CPEB3: variants seen among roughly 807,000 people sequenced by gnomAD.
CPEB3 encodes the protein cytoplasmic polyadenylation element binding protein 3, also known as cytoplasmic polyadenylation element-binding protein 3.
A neutral mutation model predicts 67.2 loss-of-function variants in CPEB3; 20 were observed. The ratio of observed to expected loss-of-function variants is 0.30; its 90% CI spans 0.21 to 0.43. CPEB3 has a LOEUF of 0.43. Ranked by LOEUF, CPEB3 falls within the 20% of genes least tolerant of loss-of-function variation. The pLI is 1.00. For synonymous variants in CPEB3, 376 were observed against 393.1 expected (o/e 0.96, Z 0.51); for missense variants, 746 against 968.6 (o/e 0.77, Z 3.05).
intron 3 of CPEB3, among the ~76,000 whole-genome samples, chr10:92,191,230 C>G (rs554224102): frequency 2.0e-5 from 3 of 151,778 alleles, no homozygotes; most frequent in African/African-American, 7.2e-5. Flanking sequence ...GATGAAATCC[C>G]ATCTCTATTA....
At chr10:92,183,430 A>G (rs1388572251) in intron 3 of CPEB3, among the ~76,000 whole-genome samples, 1 of 152,252 alleles carries the variant, frequency 6.6e-6, no homozygotes, top group African/African-American at 2.4e-5. Context: ...TGTCACCAGA[A>G]CAAGGCTTTC....
At chr10:92,130,961 T>C (rs1251537978) in intron 6 of CPEB3, among the ~76,000 whole-genome samples, 7 of 152,280 alleles carry the variant, frequency 4.6e-5, no homozygotes, top group Non-Finnish European at 8.8e-5. Flanking sequence ...AGAGGGGGTA[T>C]TATTAAGAAG....
chr10:92,156,998 T>C (rs1178165353), intron 4 of CPEB3, among the ~76,000 whole-genome samples: 1 of 152,200 alleles, frequency 6.6e-6, no homozygotes, highest in East Asian at 1.9e-4. Context: ...ATGACTCAAC[T>C]ACAAAGTCAG....
intron 7 of CPEB3, among the ~76,000 whole-genome samples, chr10:92,103,196 T>G (rs1360532125): frequency 6.6e-6 from 1 of 152,208 alleles, no homozygotes; most frequent in Non-Finnish European, 1.5e-5. Flanking sequence ...GCTTAATGAA[T>G]GCAAATTTCT....
intron 4 of CPEB3, among the ~76,000 whole-genome samples, chr10:92,150,249 T>C (rs1846897242): frequency 6.6e-6 from 1 of 150,974 alleles, no homozygotes; most frequent in Admixed American, 6.6e-5. Flanking sequence ...CTCTGCTCTC[T>C]CTCTCTCTTT....
chr10:92,048,411 C>T lies in CPEB3; in HGVS notation c.*3801G>A, dbSNP rs1329684049. The T allele has an allele frequency of 2.0e-5, 1 of 49,034 alleles. No individual in the cohort carries two copies. The highest frequency in any genetic ancestry group is 9.5e-5 in the African/African-American group (1 of 10,554). 3.0% of individuals were successfully genotyped at this position (49,034 alleles called of 1,614,324 possible). On this transcript the variant is annotated 3_prime_UTR_variant, in exon 10 of 10. Transcript: ENST00000265997. The surrounding 1 kb of genome is among the most constrained non-coding windows in gnomAD (Gnocchi z 4.1). Reference sequence around the variant, plus strand: ...CTCACACACACACACACACACACGACATAATGACGAGTTAGAGGGGAAAAA... The same window carrying T: ...CTCACACACACACACACACACACGATATAATGACGAGTTAGAGGGGAAAAA...
At chr10:92,131,721 G>A (rs1005173930) in intron 6 of CPEB3, among the ~76,000 whole-genome samples, 10 of 152,120 alleles carry the variant, frequency 6.6e-5, no homozygotes, top group South Asian at 2.1e-4. Context: ...CCTTGTCACC[G>A]GATGTCTCAA....
intron 7 of CPEB3, among the ~76,000 whole-genome samples, chr10:92,107,506 C>T (rs909227660): frequency 6.6e-6 from 1 of 152,208 alleles, no homozygotes; most frequent in African/African-American, 2.4e-5. Context: ...CCTATCTCTG[C>T]TAGACCTTCT....
chr10:92,127,766 C>T (rs1845669244), intron 6 of CPEB3, among the ~76,000 whole-genome samples: 1 of 152,054 alleles, frequency 6.6e-6, no homozygotes. Flanking sequence ...GTTGTCTTGT[C>T]CAAAGAATAG....
chr10:92,163,114 T>A (rs1430220538), intron 4 of CPEB3, among the ~76,000 whole-genome samples: 1 of 152,174 alleles, frequency 6.6e-6, no homozygotes, highest in African/African-American at 2.4e-5. Flanking sequence ...TACAGTATCA[T>A]ATAGAATAGT....
chr10:92,226,060 G>A (rs1377864722), intron 2 of CPEB3, among the ~76,000 whole-genome samples: 1 of 152,150 alleles, frequency 6.6e-6, no homozygotes, highest in Non-Finnish European at 1.5e-5. Flanking sequence ...TTGCACCAAT[G>A]CACTCCAGCC....
chr10:92,226,717 A>G (rs924757438), intron 2 of CPEB3, among the ~76,000 whole-genome samples: 1 of 152,150 alleles, frequency 6.6e-6, no homozygotes, highest in African/African-American at 2.4e-5. Flanking sequence ...GAATTAGGGA[A>G]GATGTGGGGA....
chr10:92,158,525 A>G (rs1345013565), intron 4 of CPEB3, among the ~76,000 whole-genome samples: 1 of 152,156 alleles, frequency 6.6e-6, no homozygotes, highest in African/African-American at 2.4e-5. Flanking sequence ...CCAAACACAC[A>G]CACACTCTCT....
In CPEB3 at chr10:92,199,839, T is replaced by C. The variant is rs145407948; in HGVS notation, c.1006-7203A>G. ...TTAAGAGCAATGAAAATGCCTTATC[T>C]GTTTTTAAATAGATATTCATTACAT... On this transcript the variant is annotated intron_variant, in intron 2 of 9. Transcript: ENST00000265997. Among the ~76,000 whole-genome samples, 859 of 152,268 alleles carry C rather than the reference T, an allele frequency of 5.6e-3. 9 individuals are homozygous for C. Among genetic ancestry groups the C allele is most frequent in the African/African-American group, 0.02 (819 of 41,560 alleles).
intron 2 of CPEB3, among the ~76,000 whole-genome samples, chr10:92,232,438 G>A (rs1255173654): frequency 6.6e-6 from 1 of 151,918 alleles, no homozygotes; most frequent in African/African-American, 2.4e-5. Flanking sequence ...CAACTGGATG[G>A]CATTACACCT....
Position 92,240,272 on chromosome 10 carries a change from G to T in CPEB3, c.79C>A (p.Gln27Lys). The T allele has an allele frequency of 6.6e-7, 1 of 1,519,008 alleles. No individual in the cohort carries two copies. Among genetic ancestry groups the T allele is most frequent in the East Asian group, 2.5e-5 (1 of 40,648 alleles). The allele number at this position is 1,519,008 out of a possible 1,614,324, so 94.1% of individuals were successfully genotyped here. A position where few individuals can be genotyped will look rare whatever the true frequency, so the allele number is the denominator to read the frequency against. ...GCTTCGGATACGCTGGACTCAGGTT[G>T]GGGCTGCTGCTGCTGCCGCTGCTGC... ...QQQQRQQQQP[Q>K]PESSVSEAPS... The change falls in exon 2 of 10, where the codon CAA becomes AAA. Residue 27 changes from glutamine to lysine, a missense_variant. Around this residue, in one of 2 missense-constraint regions of CPEB3, gnomAD observed 643 missense variants for 717.5 expected, o/e 0.90. Coordinates refer to ENST00000265997, the MANE Select transcript of CPEB3 (RefSeq NM_014912.5).
intron 1 of CPEB3, among the ~76,000 whole-genome samples, chr10:92,251,373 T>C (rs1228243586): frequency 1.3e-5 from 2 of 152,138 alleles, no homozygotes; most frequent in Non-Finnish European, 2.9e-5. Context: ...TATTCTCTCT[T>C]CTCTCTTCTC....
chr10:92,114,707 T>G (rs559802114), intron 6 of CPEB3, among the ~76,000 whole-genome samples: 1 of 152,332 alleles, frequency 6.6e-6, no homozygotes, highest in East Asian at 1.9e-4. Flanking sequence ...ATTAAGCGAC[T>G]TGTTCAAGAT....
intron 7 of CPEB3, among the ~76,000 whole-genome samples, chr10:92,110,523 A>C (rs967085429): frequency 1.3e-5 from 2 of 152,196 alleles, no homozygotes; most frequent in African/African-American, 4.8e-5. Context: ...CAGAAGCCAC[A>C]AACTCTTAAC....
Sources: allele counts gnomAD v4.1 joint callset (sites outside exome capture counted in the v4.1 genomes callset), GRCh38; gene constraint gnomAD v4.1.1; regional missense constraint gnomAD v4.1.1; non-coding constraint Gnocchi (gnomAD v3.1); transcripts MANE v1.5; gene names NCBI Gene and HGNC (gene_info 2026-07-23, HGNC 2026-07-21).